Variants in TET2 observed in about 807,000 individuals in gnomAD.
The protein encoded by TET2 is tet methylcytosine dioxygenase 2, also known as methylcytosine dioxygenase TET2.
Under a neutral mutation model 142.9 loss-of-function variants are expected in TET2, and 299 were observed. The ratio of observed to expected loss-of-function variants is 2.09; its 90% CI spans 1.90 to 2.30. TET2 has a LOEUF of 2.30. Ranked by LOEUF, TET2 falls within the 30% of genes most tolerant of loss-of-function variation. TET2 has a pLI of 0.00. For synonymous variants in TET2, 819 were observed against 849.0 expected (o/e 0.96, Z 0.61); for missense variants, 2,418 against 2,378.0 (o/e 1.02, Z -0.35).
intron 1 of TET2, among the ~76,000 whole-genome samples, chr4:105,155,271 G>C (rs1279272199): frequency 6.6e-6 from 1 of 152,208 alleles, no homozygotes; most frequent in Non-Finnish European, 1.5e-5. Context: ...GTTTAAACAA[G>C]TGACTCTTTT....
At chr4:105,241,832 C>A in intron 4 of TET2, 1 of 1,247,986 alleles carries the variant, frequency 8.0e-7, no homozygotes, top group East Asian at 3.2e-5. Context: ...GAATTAAATT[C>A]ACCTAGTGTT....
chr4:105,201,758 T>TTTC (rs1217294284), intron 2 of TET2, among the ~76,000 whole-genome samples: 3 of 145,914 alleles, frequency 2.1e-5, no homozygotes, highest in South Asian at 4.6e-4. Context: ...TTTTTTTTTT[T>TTTC]CAGACAGGGT....
At chr4:105,253,131 T>TA (rs908323339) in intron 6 of TET2, among the ~76,000 whole-genome samples, 2 of 152,032 alleles carry the variant, frequency 1.3e-5, no homozygotes, top group East Asian at 1.9e-4. Flanking sequence ...TATTACTAAG[T>TA]AAAAAAAGCA....
chr4:105,159,947 T>C (rs1051968065), intron 1 of TET2, among the ~76,000 whole-genome samples: 3 of 151,784 alleles, frequency 2.0e-5, no homozygotes, highest in African/African-American at 7.3e-5. Context: ...GAGGTTGCAG[T>C]GAGCCGAGAT....
At chr4:105,207,603 G>A (rs1391441) in intron 2 of TET2, among the ~76,000 whole-genome samples, 105,628 of 151,752 alleles carry the variant, frequency 0.7, 37,554 homozygotes, top group African/African-American at 0.85. Context: ...CACAATGGCA[G>A]CTCTGTACCT....
At chr4:105,163,576 A>G (rs1286532533) in intron 1 of TET2, among the ~76,000 whole-genome samples, 2 of 152,128 alleles carry the variant, frequency 1.3e-5, no homozygotes, top group Admixed American at 1.3e-4. Flanking sequence ...TCCAAAGATT[A>G]TCTAATTCTT....
intron 6 of TET2, among the ~76,000 whole-genome samples, chr4:105,255,957 C>G (rs1730107836): frequency 6.6e-6 from 1 of 151,900 alleles, no homozygotes; most frequent in African/African-American, 2.4e-5. Context: ...TTACAACTAA[C>G]TTATAACAGC....
At chr4:105,148,288 C>G (rs762385896) in intron 1 of TET2, among the ~76,000 whole-genome samples, 16 of 152,122 alleles carry the variant, frequency 1.1e-4, no homozygotes, top group Admixed American at 9.2e-4. Context: ...AGGGAGTTCT[C>G]CCTTCTTCAT....
chr4:105,271,647 A>T (rs1730969273), intron 9 of TET2, among the ~76,000 whole-genome samples: 1 of 152,196 alleles, frequency 6.6e-6, no homozygotes, highest in African/African-American at 2.4e-5. Context: ...GTCCATTGTG[A>T]TCACATTTCT....
intron 8 of TET2, among the ~76,000 whole-genome samples, chr4:105,262,363 A>C (rs1330183726): frequency 7.0e-6 from 1 of 142,952 alleles, no homozygotes. Context: ...CCAAGCAAAA[A>C]CATTTTTTTT....
At chr4:105,223,444 A>G (rs1027410290) in intron 2 of TET2, among the ~76,000 whole-genome samples, 3 of 152,254 alleles carry the variant, frequency 2.0e-5, no homozygotes, top group South Asian at 4.1e-4. Context: ...CACTTTCTTT[A>G]CCTCAAGAGT....
intron 2 of TET2, among the ~76,000 whole-genome samples, chr4:105,223,202 G>A (rs185378056): frequency 1.3e-5 from 2 of 152,098 alleles, no homozygotes; most frequent in East Asian, 3.9e-4. Context: ...TAAAAAGTTA[G>A]CTTTGCCTTA....
rs777464601 is a variant in TET2 at position 105,279,064 on chromosome 4, T to C, written c.*2545T>C. ...GGCTTTTGTCTTTTTAAAAAATTTC[T>C]TGAATTTGTGGTTGTGTCCAATTTG... On this transcript the variant is annotated 3_prime_UTR_variant, in exon 11 of 11. Transcript: ENST00000380013. 6 of 232,758 alleles carry C rather than the reference T, an allele frequency of 2.6e-5. No individual in the cohort carries two copies. The highest frequency in any genetic ancestry group is 4.2e-5 in the Non-Finnish European group (5 of 117,834). The allele number at this position is 232,758 out of a possible 1,614,324, so 14.4% of individuals were successfully genotyped here.
intron 1 of TET2, among the ~76,000 whole-genome samples, chr4:105,149,079 A>G (rs1723175600): frequency 1.3e-5 from 2 of 152,218 alleles, no homozygotes; most frequent in Admixed American, 6.5e-5. Flanking sequence ...GGATTTTACC[A>G]TTAATGCTGT....
chr4:105,218,971 ATCT>A (rs1383902032), intron 2 of TET2, among the ~76,000 whole-genome samples: 3 of 152,062 alleles, frequency 2.0e-5, no homozygotes, highest in East Asian at 1.9e-4. Context: ...AATTAGAGTA[ATCT>A]TCATCATGTA....
rs2110252466 is a variant in TET2, at chr4:105,242,830, T to G, written c.3501-4T>G. The G allele has an allele frequency of 1.9e-6, 3 of 1,548,390 alleles. No individual in the cohort carries two copies. Among genetic ancestry groups the G allele is most frequent in the East Asian group, 4.9e-5 (2 of 40,808 alleles). ...GTGTGTGTGTTTCTGTGGGTTTCTT[T>G]AAGGTTTGGACAGAAGGGTAAAGCT... is the stretch of plus-strand genomic sequence containing the variant. On this transcript the variant is annotated splice_polypyrimidine_tract_variant and splice_region_variant and intron_variant, in intron 4 of 10. Coordinates refer to ENST00000380013, the MANE Select transcript of TET2 (RefSeq NM_001127208.3).
In TET2 at chr4:105,236,232, C is replaced by A. The variant is rs762586325; in HGVS notation, c.2290C>A (p.Gln764Lys). The A allele has an allele frequency of 5.0e-6, 8 of 1,614,062 alleles. No individual in the cohort carries two copies. In the South Asian group the frequency reaches 6.6e-5, roughly 13 times the overall value. The change falls in exon 3 of 11, where the codon CAA becomes AAA. Residue 764 changes from glutamine to lysine, a missense_variant. Physicochemically the swap from Gln to Lys is moderately conservative, Grantham distance 53. Transcript: ENST00000380013. The part of the protein sequence containing the change: ...EEILQTFPHP[Q>K]SNNDQQREGS... ...AATACTCCAGACTTTTCCTCACCCC[C>A]AAAGCAACAATGATCAGCAAAGAGA...
Position 105,279,291 on chromosome 4 carries a change from G to T in TET2, c.*2772G>T, listed in dbSNP as rs571231982. 1 of 232,068 alleles carries T rather than the reference G, an allele frequency of 4.3e-6. No homozygotes were observed. The highest frequency in any genetic ancestry group is 5.6e-5 in the Admixed American group (1 of 17,764). 14.4% of individuals were successfully genotyped at this position (232,068 alleles called of 1,614,324 possible). ...AACAAGAACAGGAAGTATAGTTTGG[G>T]GGGTTGGGGAGAGTTTACATAAGGA... On this transcript the variant is annotated 3_prime_UTR_variant, in exon 11 of 11. Coordinates refer to ENST00000380013, the MANE Select transcript of TET2 (RefSeq NM_001127208.3).
rs1560541970 is a variant in TET2, at chr4:105,234,849, A to G, written c.907A>G (p.Asn303Asp). The change falls in exon 3 of 11, where the codon AAT (asparagine) becomes GAT (aspartate). Residue 303 changes from asparagine to aspartate, a missense_variant. Coordinates refer to ENST00000380013, the MANE Select transcript of TET2 (RefSeq NM_001127208.3). ...SEACDADDAD[N>D]ASKLAAMLNT... ...GGCCTGTGATGCTGATGATGCTGAT[A>G]ATGCCAGTAAACTAGCTGCAATGCT... 2.5e-6 allele frequency: 4 copies of G among 1,614,102 alleles called. No individual in the cohort carries two copies. The South Asian group carries it at 3.3e-5, about 13-fold the overall frequency.
Sources: allele counts gnomAD v4.1 joint callset (sites outside exome capture counted in the v4.1 genomes callset), GRCh38; gene constraint gnomAD v4.1.1; transcripts MANE v1.5; gene names NCBI Gene and HGNC (gene_info 2026-07-23, HGNC 2026-07-21).